Variants in SLC12A6 observed in about 807,000 individuals in gnomAD.
SLC12A6 encodes solute carrier family 12 member 6, also known as K-Cl cotransporter 3.
Under a neutral mutation model 135.3 loss-of-function variants are expected in SLC12A6, and 66 were observed. That is an observed-to-expected ratio of 0.49 (90% CI 0.40 to 0.60). The LOEUF is 0.60. Among genes scored for constraint, SLC12A6 ranks in the 20% least tolerant of loss-of-function variants. The probability of loss-of-function intolerance (pLI) is 0.00; values close to 1 mark genes in which losing one functional copy is unlikely to be tolerated. For missense variants in SLC12A6, 1,058 were observed against 1,452.3 expected (o/e 0.73, Z 4.41); for synonymous variants, 513 against 508.8 (o/e 1.01, Z -0.11).
chr15:34,235,430 G>GTTTTTTTTTTTTT, intron 24 of SLC12A6, 116 bp from the exon 25 acceptor site: 1 of 539,794 alleles, frequency 1.9e-6, no homozygotes, highest in Non-Finnish European at 3.1e-6. Context: ...CTGATAAAAT[G>GTTTTTTTTTTTTT]ATTTTTTTTT....
intron 2 of SLC12A6, chr15:34,314,737 G>C (rs571267124): frequency 6.6e-6 from 1 of 152,436 alleles, no homozygotes; most frequent in Non-Finnish European, 1.5e-5. Context: ...AGGCTGGTGA[G>C]TGCAATGGTA....
At chr15:34,298,605 A>G (rs746630571) in intron 2 of SLC12A6, among the ~76,000 whole-genome samples, 34 of 151,540 alleles carry the variant, frequency 2.2e-4, no homozygotes, top group Non-Finnish European at 4.4e-4. Context: ...GTGGGGGGAA[A>G]TGGAGGAGAG....
At chr15:34,259,443 C>A (rs1444410164) in intron 4 of SLC12A6, among the ~76,000 whole-genome samples, 1 of 151,710 alleles carries the variant, frequency 6.6e-6, no homozygotes, top group African/African-American at 2.4e-5. Flanking sequence ...TGAGCCCAGG[C>A]ACTCAAGACC....
At chr15:34,333,823 C>T (rs1890021648) in intron 2 of SLC12A6, among the ~76,000 whole-genome samples, 1 of 152,054 alleles carries the variant, frequency 6.6e-6, no homozygotes, top group Non-Finnish European at 1.5e-5. Flanking sequence ...GTAATCCCAG[C>T]ACTTTGGGAG....
intron 2 of SLC12A6, among the ~76,000 whole-genome samples, chr15:34,319,953 T>C (rs1160311903): frequency 1.3e-5 from 2 of 151,964 alleles, no homozygotes; most frequent in Admixed American, 6.6e-5. Flanking sequence ...TAAAATAACA[T>C]ACTTAATTCT....
chr15:34,255,186 G>A, intron 8 of SLC12A6, 76 bp downstream of exon 8: 3 of 1,197,500 alleles, frequency 2.5e-6, no homozygotes, highest in Non-Finnish European at 2.5e-6. Context: ...TGATCTCTCA[G>A]AAGCTTTCAT....
At chr15:34,293,219 A>G (rs753385088) in intron 2 of SLC12A6, among the ~76,000 whole-genome samples, 5 of 152,260 alleles carry the variant, frequency 3.3e-5, no homozygotes, top group Non-Finnish European at 7.3e-5. Context: ...GGATACAGCA[A>G]TTAGGTAAAA....
chr15:34,238,424 A>G, intron 20 of SLC12A6, 23 bp from the exon 21 acceptor site: 2 of 1,597,536 alleles, frequency 1.3e-6, no homozygotes, highest in Non-Finnish European at 1.7e-6. Context: ...AAGAATAAGC[A>G]GAGAAGAATC....
chr15:34,318,145 T>A (rs1269979306), intron 2 of SLC12A6, among the ~76,000 whole-genome samples: 1 of 152,218 alleles, frequency 6.6e-6, no homozygotes, highest in Non-Finnish European at 1.5e-5. Context: ...TACTGAACCA[T>A]GCTCCCTCTT....
At chr15:34,240,603 T>C in intron 19 of SLC12A6, 58 bp downstream of exon 19, 1 of 1,420,200 alleles carries the variant, frequency 7.0e-7, no homozygotes, top group Non-Finnish European at 1.0e-6. Flanking sequence ...GAGGTCTTAC[T>C]ACTTAACATC....
At chr15:34,273,254 G>C (rs1313075434) in intron 3 of SLC12A6, among the ~76,000 whole-genome samples, 1 of 152,166 alleles carries the variant, frequency 6.6e-6, no homozygotes, top group Non-Finnish European at 1.5e-5. Context: ...AGGAGGCTGA[G>C]GCCAGAGAAC....
At chr15:34,319,959 A>G (rs2141123265) in intron 2 of SLC12A6, among the ~76,000 whole-genome samples, 1 of 152,234 alleles carries the variant, frequency 6.6e-6, no homozygotes, top group African/African-American at 2.4e-5. Context: ...AACATACTTA[A>G]TTCTTGATAT....
Position 34,275,345 on chromosome 15 carries a change from C to T in SLC12A6, c.316G>A (p.Asp106Asn), listed in dbSNP as rs1328256062. 5.4e-6 allele frequency: 8 copies of T among 1,488,886 alleles called. No individual in the cohort carries two copies. The South Asian group carries it at 7.9e-5, about 15-fold the overall frequency. The allele number at this position is 1,488,886 out of a possible 1,614,324, so 92.2% of individuals were successfully genotyped here. ...SITGEHSQLL[D>N]DGHKKARNAY... ...GTCAATCCCCACAGTAATACTATAC[C>T]TAACAGTTGGCTGTGTTCCCCTGTG... The change falls in exon 3 of 26, where the codon GAC becomes AAC. Residue 106 changes from aspartate to asparagine, a missense_variant and splice_region_variant. Coordinates refer to ENST00000354181, the MANE Select transcript of SLC12A6 (RefSeq NM_001365088.1).
chr15:34,260,324 T>C (rs188804505), intron 4 of SLC12A6, among the ~76,000 whole-genome samples: 2 of 152,312 alleles, frequency 1.3e-5, no homozygotes, highest in Admixed American at 1.3e-4. Flanking sequence ...AGTGGCACAA[T>C]CTTGGCTCAC....
chr15:34,324,655 C>T (rs1437574041), intron 2 of SLC12A6, among the ~76,000 whole-genome samples: 1 of 151,780 alleles, frequency 6.6e-6, no homozygotes, highest in African/African-American at 2.4e-5. Flanking sequence ...AAGATTGAAA[C>T]AATTAAGGGA....
At chr15:34,241,453 C>G (rs1259824278) in intron 17 of SLC12A6, 116 bp from the exon 18 acceptor site, 2 of 671,672 alleles carry the variant, frequency 3.0e-6, no homozygotes, top group Non-Finnish European at 5.3e-6. Flanking sequence ...AAGATTAAAG[C>G]TCAGATTAAT....
chr15:34,242,903 G>A (rs1477891824), intron 16 of SLC12A6, among the ~76,000 whole-genome samples: 2 of 151,982 alleles, frequency 1.3e-5, no homozygotes, highest in East Asian at 2.0e-4. Flanking sequence ...GGTGACGGGC[G>A]CCTGTAGTCC....
chr15:34,324,853 CT>C (rs1213065196), intron 2 of SLC12A6, among the ~76,000 whole-genome samples: 2 of 151,322 alleles, frequency 1.3e-5, no homozygotes, highest in East Asian at 1.9e-4. Context: ...TGGTAAAGAA[CT>C]TTTTTTTTCT....
intron 3 of SLC12A6, 100 bp from the exon 4 acceptor site, chr15:34,261,120 C>T: frequency 1.4e-6 from 1 of 736,444 alleles, no homozygotes. Flanking sequence ...TAATATAACC[C>T]ATTTTCATAT....
Sources: gnomAD v4.1 joint callset for allele counts (sites outside exome capture counted in the v4.1 genomes callset) on GRCh38, gnomAD v4.1.1 for gene constraint, MANE v1.5 for transcripts, NCBI Gene and HGNC (gene_info 2026-07-23, HGNC 2026-07-21) for gene names.